Variants in BTNL8 observed in about 807,000 individuals in gnomAD.
BTNL8 encodes butyrophilin-like protein 8.
BTNL8 carries 22 observed loss-of-function variants against 36.1 expected under a neutral mutation model. The observed-to-expected ratio is 0.61, with a 90% CI of 0.44 to 0.87. BTNL8 has a LOEUF of 0.87. Among genes scored for constraint, BTNL8 ranks in the 40% least tolerant of loss-of-function variants. The pLI, the probability that BTNL8 is intolerant of heterozygous loss-of-function variation, is 0.00. For synonymous variants in BTNL8, 203 were observed against 235.6 expected (o/e 0.86, Z 1.27); for missense variants, 526 against 616.9 (o/e 0.85, Z 1.56).
chr5:180,927,824 T>C (rs919625273), intron 3 of BTNL8, among the ~76,000 whole-genome samples: 3 of 152,006 alleles, frequency 2.0e-5, no homozygotes, highest in African/African-American at 7.2e-5. Flanking sequence ...CCAAGAAATA[T>C]GGGACTATGT....
At chr5:180,908,509 T>C in intron 1 of BTNL8, 77 bp from the exon 2 acceptor site, 2 of 1,413,434 alleles carry the variant, frequency 1.4e-6, no homozygotes, top group Admixed American at 4.2e-5. Flanking sequence ...CCGGAGCTGT[T>C]CCTATTCGGC....
At position 180,947,584 on chromosome 5, in the gene BTNL8, T is replaced by G. The variant is rs144756085; in HGVS notation, c.746T>G (p.Phe249Cys). The change falls in exon 4 of 8, where the codon TTT becomes TGT. Residue 249 changes from phenylalanine (F) to cysteine (C), a missense_variant. This residue lies in a region of BTNL8 where 350 missense variants were observed against 324.6 expected (regional missense o/e 1.08). Coordinates refer to ENST00000340184, the MANE Select transcript of BTNL8 (RefSeq NM_001040462.3). ...GGAATACTCTGCTGTGGCCTATTTT[T>G]TGGCATTGTTGGACTGAAGATTTTC... ...VLGILCCGLF[F>C]GIVGLKIFFS... 6.2e-7 allele frequency: 1 copy of G among 1,614,210 alleles called. No homozygotes were observed. Among genetic ancestry groups the G allele is most frequent in the South Asian group, 1.1e-5 (1 of 91,078 alleles).
Position 180,947,722 on chromosome 5 carries a change from T to C in BTNL8, c.787+97T>C, listed in dbSNP as rs774114636. ...CCACATCCAGCTGCTTCTCTTCTTC[T>C]AGTCCTAGCCTCCAGGGGCCCAGGC... On this transcript the variant is annotated intron_variant, in intron 4 of 7. Transcript: ENST00000340184. 4 of 1,614,154 alleles carry C rather than the reference T, an allele frequency of 2.5e-6. No individual in the cohort carries two copies. The East Asian group carries it at 8.9e-5, about 36-fold the overall frequency.
chr5:180,920,416 A>G (rs1243469768), intron 3 of BTNL8, among the ~76,000 whole-genome samples: 3 of 140,916 alleles, frequency 2.1e-5, no homozygotes, highest in Non-Finnish European at 3.2e-5. Context: ...TATTGGACTC[A>G]TATTTTCCAT....
intron 3 of BTNL8, among the ~76,000 whole-genome samples, chr5:180,931,709 GCTC>G (rs1269572820): frequency 1.3e-5 from 2 of 152,162 alleles, no homozygotes; most frequent in Non-Finnish European, 2.9e-5. Context: ...GTGAAAAAAA[GCTC>G]ATCATCACTG....
At chr5:180,919,929 A>G (rs1371054280) in intron 3 of BTNL8, among the ~76,000 whole-genome samples, 1 of 152,198 alleles carries the variant, frequency 6.6e-6, no homozygotes, top group East Asian at 1.9e-4. Context: ...CATAGAATTA[A>G]TATTGCTTAA....
chr5:180,911,630 A>T lies in BTNL8; in HGVS notation c.673+16A>T, dbSNP rs1255844493. 2 of 1,590,786 alleles carry T rather than the reference A, an allele frequency of 1.3e-6. No homozygotes were observed. The highest frequency in any genetic ancestry group is 3.4e-5 in the Admixed American group (2 of 59,336). On this transcript the variant is annotated intron_variant, in intron 3 of 7. Coordinates refer to ENST00000340184, the MANE Select transcript of BTNL8 (RefSeq NM_001040462.3). Reference sequence around the variant, plus strand: ...CAGATAGGAGGTGAGTAGGGAGGGGAGGAGAAGAGAAGGAGGGGTGGATGC... The same window carrying T: ...CAGATAGGAGGTGAGTAGGGAGGGGTGGAGAAGAGAAGGAGGGGTGGATGC...
intron 2 of BTNL8, 118 bp downstream of exon 2, chr5:180,909,051 A>C: frequency 5.0e-6 from 5 of 991,196 alleles, no homozygotes; most frequent in Non-Finnish European, 7.5e-6. Context: ...GCAGCATTCT[A>C]TACTCTACGT....
At chr5:180,939,389 AC>A (rs2113849469) in intron 3 of BTNL8, among the ~76,000 whole-genome samples, 1 of 152,176 alleles carries the variant, frequency 6.6e-6, no homozygotes, top group Non-Finnish European at 1.5e-5. Context: ...GGAAAAAAAA[AC>A]AAGCAAGAAT....
intron 1 of BTNL8, among the ~76,000 whole-genome samples, chr5:180,907,988 C>A (rs1313947830): frequency 6.6e-6 from 1 of 152,120 alleles, no homozygotes; most frequent in African/African-American, 2.4e-5. Flanking sequence ...CTGTGCCCTG[C>A]CCCCAGAGGT....
intron 3 of BTNL8, among the ~76,000 whole-genome samples, chr5:180,933,242 A>G (rs1758489103): frequency 6.6e-6 from 1 of 152,216 alleles, no homozygotes. Context: ...TCAGCAATGA[A>G]CAGATAATCT....
At position 180,913,507 on chromosome 5, in the gene BTNL8, A is replaced by T. The variant is rs554226616; in HGVS notation, c.673+1893A>T. ...TAGTTGGTTTTTCTAATCTATACAG[A>T]CCAGAAATCCAGAGAATCCATGTCA... On this transcript the variant is annotated intron_variant, in intron 3 of 7. Transcript: ENST00000340184. Among the ~76,000 whole-genome samples, 15 of 152,312 alleles carry T rather than the reference A, an allele frequency of 9.8e-5. No individual in the cohort carries two copies. In the South Asian group the frequency reaches 3.1e-3, roughly 32 times the overall value.
chr5:180,900,090 C>A (rs1333330470), intron 1 of BTNL8, among the ~76,000 whole-genome samples: 1 of 152,126 alleles, frequency 6.6e-6, no homozygotes, highest in Non-Finnish European at 1.5e-5. Flanking sequence ...GAAATAAGGG[C>A]AATCAAAACA....
intron 3 of BTNL8, among the ~76,000 whole-genome samples, chr5:180,937,942 TA>T (rs35660075): frequency 1.4e-5 from 2 of 147,990 alleles, no homozygotes; most frequent in African/African-American, 2.5e-5. Flanking sequence ...TTTCCCCATT[TA>T]AAAAAAAAAA....
intron 3 of BTNL8, among the ~76,000 whole-genome samples, chr5:180,930,563 G>A (rs980891186): frequency 2.6e-5 from 4 of 151,998 alleles, no homozygotes; most frequent in Admixed American, 1.3e-4. Context: ...AGAAAACCCC[G>A]GTGTCTCAGC....
At chr5:180,938,908 A>G (rs1758794161) in intron 3 of BTNL8, among the ~76,000 whole-genome samples, 1 of 152,178 alleles carries the variant, frequency 6.6e-6, no homozygotes, top group Non-Finnish European at 1.5e-5. Flanking sequence ...TTAGATAAGC[A>G]AAACTGAGGG....
At chr5:180,900,039 G>C (rs568069725) in intron 1 of BTNL8, among the ~76,000 whole-genome samples, 12 of 152,170 alleles carry the variant, frequency 7.9e-5, no homozygotes, top group Non-Finnish European at 1.8e-4. Flanking sequence ...CCTGCCACCT[G>C]TCCACCTATA....
Position 180,950,331 on chromosome 5 carries a change from T to G in BTNL8, c.1290T>G (p.Tyr430Ter), listed in dbSNP as rs2278689. Residue 430 changes from tyrosine to a stop codon, truncating the protein, a stop_gained, in exon 8 of 8, where the codon TAT becomes TAG. Coordinates refer to ENST00000340184, the MANE Select transcript of BTNL8 (RefSeq NM_001040462.3). LOFTEE classifies it low-confidence loss of function (END_TRUNC). ...ACATAAATGACCAGTCCCTTATTTATACCCTGACATGTCGGTTTGAAGGCT... is the reference window on the plus strand; with the variant it reads ...ACATAAATGACCAGTCCCTTATTTAGACCCTGACATGTCGGTTTGAAGGCT... Reference protein sequence around the residue: ...FFNINDQSLIYTLTCRFEGLL... With the variant: ...FFNINDQSLI The G allele has an allele frequency of 6.8e-7, 1 of 1,462,646 alleles. No individual in the cohort carries two copies. Among genetic ancestry groups the G allele is most frequent in the Non-Finnish European group, 9.4e-7 (1 of 1,058,782 alleles). The allele number at this position is 1,462,646 out of a possible 1,614,324, so 90.6% of individuals were successfully genotyped here.
rs369175545 is a variant in BTNL8 at position 180,911,547 on chromosome 5, G to C, written c.606G>C (p.Gly202=). 2.7e-5 allele frequency: 44 copies of C among 1,613,944 alleles called. No individual in the cohort carries two copies. Among genetic ancestry groups the C allele is most frequent in the Non-Finnish European group, 3.7e-5 (44 of 1,180,026 alleles). ...CTCTGACCGTCCAAGAGAACGCCGG[G>C]AGCATATCCTGTTCCATGCGGCATG... ...EISLTVQENA[G]SISCSMRHAH... is the part of the protein sequence containing the mutation. The change falls in exon 3 of 8, where the codon GGG becomes GGC. Residue 202 remains glycine, a synonymous_variant. Coordinates refer to ENST00000340184, the MANE Select transcript of BTNL8 (RefSeq NM_001040462.3).
Sources: gnomAD v4.1 joint callset for allele counts (sites outside exome capture counted in the v4.1 genomes callset) on GRCh38, gnomAD v4.1.1 for gene constraint, gnomAD v4.1.1 regional missense constraint, MANE v1.5 for transcripts, NCBI Gene and HGNC (gene_info 2026-07-23, HGNC 2026-07-21) for gene names.